Variants in SNAPC1 observed in about 807,000 individuals in gnomAD.
SNAPC1 encodes snRNA-activating protein complex subunit 1.
A neutral mutation model predicts 50.1 loss-of-function variants in SNAPC1; 42 were observed. That is an observed-to-expected ratio of 0.84 (90% CI 0.65 to 1.08). SNAPC1 has a LOEUF of 1.08. Ranked by LOEUF, SNAPC1 falls within the 50% of genes least tolerant of loss-of-function variation. SNAPC1 has a pLI of 0.00. For synonymous variants in SNAPC1, 164 were observed against 144.2 expected (o/e 1.14, Z -0.98); for missense variants, 477 against 427.3 (o/e 1.12, Z -1.02).
At chr14:61,790,619 A>C (rs533096677) in intron 8 of SNAPC1, among the ~76,000 whole-genome samples, 2 of 152,070 alleles carry the variant, frequency 1.3e-5, no homozygotes, top group South Asian at 4.1e-4. Flanking sequence ...TTACAGGCGC[A>C]AGCCACCGCA....
chr14:61,781,450 CAAA>C (rs769588943), intron 7 of SNAPC1, among the ~76,000 whole-genome samples: 4 of 63,598 alleles, frequency 6.3e-5, no homozygotes, highest in East Asian at 3.4e-4. Context: ...ACTCCATCTC[CAAA>C]AAAAAAAAAA....
Position 61,762,569 on chromosome 14 carries a change from A to AAGTT in SNAPC1, c.110_113dup (p.Phe38LeufsTer51). On this transcript the variant is annotated frameshift_variant, in exon 1 of 10. Transcript: ENST00000216294. LOFTEE classifies it high-confidence loss of function. Reference sequence around the variant, plus strand: ...CTTCACGGAGCTCTGGAGAAACATGAAGTTCGGGACTATCTTCTGGTGGGT... The same window carrying AAGTT: ...CTTCACGGAGCTCTGGAGAAACATGAAGTTAGTTCGGGACTATCTTCTGGTGGGT... 1 of 1,583,282 alleles carries AAGTT rather than the reference A, an allele frequency of 6.3e-7. No individual in the cohort carries two copies. Among genetic ancestry groups the AAGTT allele is most frequent in the South Asian group, 1.2e-5 (1 of 86,720 alleles).
intron 8 of SNAPC1, among the ~76,000 whole-genome samples, chr14:61,792,107 G>GA (rs59143719): frequency 0.38 from 43,442 of 114,162 alleles, 6,523 homozygotes; most frequent in South Asian, 0.48. Context: ...CATTAAAAAA[G>GA]AAAAAAAAAA....
At chr14:61,774,493 A>C (rs796990547) in intron 4 of SNAPC1, among the ~76,000 whole-genome samples, 1 of 152,078 alleles carries the variant, frequency 6.6e-6, no homozygotes, top group Non-Finnish European at 1.5e-5. Context: ...ATTAGATCTG[A>C]CTGGTGGTCT....
chr14:61,777,961 G>A, intron 5 of SNAPC1, 111 bp from the exon 6 acceptor site: 1 of 558,392 alleles, frequency 1.8e-6, no homozygotes, highest in Non-Finnish European at 3.2e-6. Flanking sequence ...TGATCTTTTA[G>A]TTTTTCATTT....
intron 4 of SNAPC1, 128 bp downstream of exon 4, chr14:61,768,868 T>C: frequency 1.8e-6 from 1 of 542,788 alleles, no homozygotes; most frequent in Non-Finnish European, 3.3e-6. Context: ...GGATGCTATT[T>C]CTCTAGAGTA....
At chr14:61,772,539 G>A (rs2044999725) in intron 4 of SNAPC1, among the ~76,000 whole-genome samples, 2 of 152,024 alleles carry the variant, frequency 1.3e-5, no homozygotes, top group South Asian at 4.1e-4. Flanking sequence ...CACTACGCCT[G>A]GCCCATGCTG....
At position 61,787,542 on chromosome 14, in the gene SNAPC1, A is replaced by G. The variant is rs909788476; in HGVS notation, c.976+5145A>G. Among the ~76,000 whole-genome samples, 3 of 152,224 alleles carry G rather than the reference A, an allele frequency of 2.0e-5. No homozygotes were observed. In the South Asian group the frequency reaches 6.2e-4, roughly 32 times the overall value. On this transcript the variant is annotated intron_variant, in intron 8 of 9. Coordinates refer to ENST00000216294, the MANE Select transcript of SNAPC1 (RefSeq NM_003082.4). ...CCACGTGGTGGAAGATGTATAGCCAATAAAAAGGAAATGAGGTACAGAAAT... is the reference window on the plus strand; with the variant it reads ...CCACGTGGTGGAAGATGTATAGCCAGTAAAAAGGAAATGAGGTACAGAAAT...
intron 4 of SNAPC1, among the ~76,000 whole-genome samples, chr14:61,770,979 C>T (rs1310469154): frequency 3.3e-5 from 5 of 152,048 alleles, no homozygotes; most frequent in Non-Finnish European, 4.4e-5. Context: ...TGAGCTCAGG[C>T]GATCCGCCCG....
At chr14:61,792,750 C>G in intron 8 of SNAPC1, 57 bp from the exon 9 acceptor site, 1 of 974,412 alleles carries the variant, frequency 1.0e-6, no homozygotes, top group Non-Finnish European at 1.5e-6. Flanking sequence ...AAAATGTTTT[C>G]TCAAAGATTA....
rs751375353 is a variant in SNAPC1 at position 61,767,313 on chromosome 14, A to G, written c.390A>G (p.Arg130=). The G allele has an allele frequency of 1.3e-6, 2 of 1,521,204 alleles. No individual in the cohort carries two copies. The highest frequency in any genetic ancestry group is 1.8e-6 in the Non-Finnish European group (2 of 1,134,774). 94.2% of individuals were successfully genotyped at this position (1,521,204 alleles called of 1,614,324 possible). Residue 130 remains arginine, a synonymous_variant, in exon 3 of 10, where the codon CGA becomes CGG. Coordinates refer to ENST00000216294, the MANE Select transcript of SNAPC1 (RefSeq NM_003082.4). Reference sequence around the variant, plus strand: ...CAGCTTATATTTTTAGGAAGCTACGACTAGACAGAGCATTTCACTTTACAG... The same window carrying G: ...CAGCTTATATTTTTAGGAAGCTACGGCTAGACAGAGCATTTCACTTTACAG... ...FDAAYIFRKL[R]LDRAFHFTAM... is the part of the protein sequence containing the mutation.
At chr14:61,776,742 A>G (rs1224061136) in intron 5 of SNAPC1, among the ~76,000 whole-genome samples, 1 of 152,256 alleles carries the variant, frequency 6.6e-6, no homozygotes, top group Non-Finnish European at 1.5e-5. Context: ...GCATGACAGC[A>G]GACAGTGGGA....
chr14:61,767,500 G>A, intron 3 of SNAPC1, 148 bp downstream of exon 3: 1 of 448,462 alleles, frequency 2.2e-6, no homozygotes, highest in East Asian at 4.0e-5. Context: ...GTCTTGCTCT[G>A]TCGCCCAGGC....
chr14:61,794,216 G>T (rs1236389259), intron 9 of SNAPC1, among the ~76,000 whole-genome samples: 1 of 151,988 alleles, frequency 6.6e-6, no homozygotes, highest in Non-Finnish European at 1.5e-5. Flanking sequence ...AAATACCTTT[G>T]AGATCTAGTA....
intron 1 of SNAPC1, among the ~76,000 whole-genome samples, chr14:61,766,311 A>G (rs903458855): frequency 1.3e-5 from 2 of 152,228 alleles, no homozygotes; most frequent in Non-Finnish European, 2.9e-5. Flanking sequence ...TTGCTAGTCA[A>G]TGAAGACAGA....
At position 61,795,863 on chromosome 14, in the gene SNAPC1, T is replaced by TC; in HGVS notation, c.*880_*881insC. Reference sequence around the variant, plus strand: ...TCATGTTGTTGGCTCAACTGTTTTTTTTTTTTCCCTAATAGAGATGGAGTA... The same window carrying TC: ...TCATGTTGTTGGCTCAACTGTTTTTTCTTTTTTCCCTAATAGAGATGGAGTA... On this transcript the variant is annotated 3_prime_UTR_variant, in exon 10 of 10. Transcript: ENST00000216294. 1 of 152,046 alleles carries TC rather than the reference T, an allele frequency of 6.6e-6. No homozygotes were observed. The highest frequency in any genetic ancestry group is 1.9e-4 in the East Asian group (1 of 5,176). 9.4% of individuals were successfully genotyped at this position (152,046 alleles called of 1,614,324 possible).
chr14:61,767,930 C>A (rs2044960923), intron 3 of SNAPC1, among the ~76,000 whole-genome samples: 1 of 152,178 alleles, frequency 6.6e-6, no homozygotes, highest in Admixed American at 6.5e-5. Flanking sequence ...CAGGCGCCCT[C>A]CACCACGCCT....
chr14:61,772,110 T>A (rs1173296332), intron 4 of SNAPC1, among the ~76,000 whole-genome samples: 1 of 151,472 alleles, frequency 6.6e-6, no homozygotes, highest in Non-Finnish European at 1.5e-5. Flanking sequence ...TTTTTTTTAA[T>A]TTTTGAGACA....
chr14:61,784,322 G>A (rs949980219), intron 8 of SNAPC1, among the ~76,000 whole-genome samples: 1 of 152,156 alleles, frequency 6.6e-6, no homozygotes, highest in Non-Finnish European at 1.5e-5. Flanking sequence ...AAAATACCTT[G>A]ACTGAGTACA....
Sources: allele counts gnomAD v4.1 joint callset (sites outside exome capture counted in the v4.1 genomes callset), GRCh38; gene constraint gnomAD v4.1.1; transcripts MANE v1.5; gene names NCBI Gene and HGNC (gene_info 2026-07-23, HGNC 2026-07-21).